NPAS3: variants seen among roughly 807,000 people sequenced by gnomAD.
NPAS3 encodes neuronal PAS domain protein 3, also known as neuronal PAS domain-containing protein 3.
NPAS3 carries 14 observed loss-of-function variants against 73.1 expected under a neutral mutation model. The observed-to-expected ratio is 0.19, with a 90% CI of 0.13 to 0.30. The LOEUF is 0.30. Among genes scored for constraint, NPAS3 ranks in the 10% least tolerant of loss-of-function variants. The pLI, the probability that NPAS3 is intolerant of heterozygous loss-of-function variation, is 1.00. For synonymous variants in NPAS3, 620 were observed against 541.5 expected (o/e 1.14, Z -2.01); for missense variants, 1,096 against 1,250.0 (o/e 0.88, Z 1.86).
At chr14:33,294,347 AT>A (rs554224413) in intron 3 of NPAS3, among the ~76,000 whole-genome samples, 1 of 152,000 alleles carries the variant, frequency 6.6e-6, no homozygotes, top group Non-Finnish European at 1.5e-5. Context: ...CCAGGGCCTC[AT>A]TTTTTTGACC....
At chr14:33,355,629 C>G (rs116007275) in intron 3 of NPAS3, among the ~76,000 whole-genome samples, 1,859 of 152,240 alleles carry the variant, frequency 0.012, 43 homozygotes, top group African/African-American at 0.042. Flanking sequence ...TTGTATTTCT[C>G]TCTCCCCAGT....
chr14:33,680,961 A>G (rs1595427277), intron 6 of NPAS3: 1 of 267,978 alleles, frequency 3.7e-6, no homozygotes, highest in African/African-American at 2.2e-5. Flanking sequence ...TACTTACGCT[A>G]TGTCCCGAAT....
intron 7 of NPAS3, among the ~76,000 whole-genome samples, chr14:33,754,229 C>A (rs1276919989): frequency 6.6e-6 from 1 of 152,002 alleles, no homozygotes; most frequent in Non-Finnish European, 1.5e-5. Flanking sequence ...CCCTGATATT[C>A]TTTAAAACTG....
chr14:33,800,803 G>T lies in NPAS3; in HGVS notation c.2496G>T (p.Ala832=), dbSNP rs1229994850. 3 of 1,594,084 alleles carry T rather than the reference G, an allele frequency of 1.9e-6. No homozygotes were observed. In the South Asian group the frequency reaches 3.4e-5, roughly 18 times the overall value. Residue 832 remains alanine, a synonymous_variant, in exon 12 of 12, where the codon GCG becomes GCT. Transcript: ENST00000356141. This position sits in a 1 kb window ranked among gnomAD's most constrained non-coding sequence, Gnocchi z 6.5. Reference sequence around the variant, plus strand: ...ACACCACGGGCACCATCCGCTACGCGCCCGCCGAGGTGACCCTGGCCATGC... The same window carrying T: ...ACACCACGGGCACCATCCGCTACGCTCCCGCCGAGGTGACCCTGGCCATGC...
At chr14:33,131,472 C>T (rs149434705) in intron 2 of NPAS3, among the ~76,000 whole-genome samples, 396 of 75,396 alleles carry the variant, frequency 5.3e-3, no homozygotes, top group Middle Eastern at 0.021. Flanking sequence ...ATTAACAAAA[C>T]GCCCAGCTGA....
At chr14:33,027,419 A>G (rs2039846411) in intron 1 of NPAS3, among the ~76,000 whole-genome samples, 2 of 152,084 alleles carry the variant, frequency 1.3e-5, no homozygotes, top group East Asian at 1.9e-4. Context: ...CTCTCTCAAT[A>G]TATATTGGTA....
At chr14:33,332,171 C>T (rs888947979) in intron 3 of NPAS3, among the ~76,000 whole-genome samples, 5 of 152,148 alleles carry the variant, frequency 3.3e-5, no homozygotes, top group African/African-American at 7.2e-5. Flanking sequence ...AAAATTATTA[C>T]GGTAGTAAAA....
At chr14:33,372,322 G>A (rs981776537) in intron 4 of NPAS3, among the ~76,000 whole-genome samples, 6 of 152,278 alleles carry the variant, frequency 3.9e-5, no homozygotes, top group African/African-American at 1.2e-4. Flanking sequence ...TTCTCTGAAT[G>A]TATATGTAAT....
chr14:33,796,120 A>G (rs1408504547), intron 10 of NPAS3, among the ~76,000 whole-genome samples: 1 of 152,076 alleles, frequency 6.6e-6, no homozygotes, highest in Non-Finnish European at 1.5e-5. Flanking sequence ...CCCTGGCAAT[A>G]TAGCAACTAC....
intron 3 of NPAS3, among the ~76,000 whole-genome samples, chr14:33,249,937 C>G (rs1290099998): frequency 6.6e-6 from 1 of 150,734 alleles, no homozygotes; most frequent in Non-Finnish European, 1.5e-5. Flanking sequence ...CACACACACA[C>G]CCCTACATAC....
chr14:33,274,062 C>CA (rs1305159201), intron 3 of NPAS3, among the ~76,000 whole-genome samples: 1 of 152,148 alleles, frequency 6.6e-6, no homozygotes, highest in South Asian at 2.1e-4. Context: ...AGAGACACTA[C>CA]ACTGTGGCAT....
chr14:33,528,522 G>A (rs1231845118), intron 4 of NPAS3, among the ~76,000 whole-genome samples: 1 of 152,032 alleles, frequency 6.6e-6, no homozygotes, highest in African/African-American at 2.4e-5. Context: ...TAATGTGTCT[G>A]CAGATTTGGA....
At chr14:33,632,565 T>C (rs1160014316) in intron 5 of NPAS3, among the ~76,000 whole-genome samples, 1 of 152,208 alleles carries the variant, frequency 6.6e-6, no homozygotes, top group African/African-American at 2.4e-5. Flanking sequence ...GAGCTGGAGC[T>C]GGGTTCCACT....
At chr14:33,698,864 G>A (rs936385265) in intron 6 of NPAS3, among the ~76,000 whole-genome samples, 23 of 152,186 alleles carry the variant, frequency 1.5e-4, no homozygotes, top group African/African-American at 5.5e-4. Flanking sequence ...AAAATATCAT[G>A]CTGCCATTTA....
chr14:33,394,099 C>G (rs914055597), intron 4 of NPAS3, among the ~76,000 whole-genome samples: 1 of 152,090 alleles, frequency 6.6e-6, no homozygotes, highest in Non-Finnish European at 1.5e-5. Flanking sequence ...AATGTGATGC[C>G]CTGATGGATG....
At chr14:33,050,402 A>G (rs181874813) in intron 1 of NPAS3, among the ~76,000 whole-genome samples, 80 of 152,266 alleles carry the variant, frequency 5.3e-4, no homozygotes, top group African/African-American at 1.7e-3. Context: ...AGTCTTCCCT[A>G]GGTCTTCTCT....
At chr14:33,376,696 C>T (rs2046327579) in intron 4 of NPAS3, among the ~76,000 whole-genome samples, 1 of 152,158 alleles carries the variant, frequency 6.6e-6, no homozygotes, top group Admixed American at 6.5e-5. Flanking sequence ...TGGATTTGGG[C>T]ATCCAGCCAA....
At chr14:33,281,490 G>A (rs1320652434) in intron 3 of NPAS3, among the ~76,000 whole-genome samples, 4 of 152,024 alleles carry the variant, frequency 2.6e-5, no homozygotes, top group Non-Finnish European at 5.9e-5. Flanking sequence ...AAATTAGCCG[G>A]GCGTGGTGGT....
chr14:33,427,106 T>C (rs1040705308), intron 4 of NPAS3, among the ~76,000 whole-genome samples: 3 of 152,048 alleles, frequency 2.0e-5, no homozygotes, highest in African/African-American at 7.2e-5. Context: ...TGTGCTCTTA[T>C]CCTAGCAGAG....
Sources: gnomAD v4.1 joint callset for allele counts (sites outside exome capture counted in the v4.1 genomes callset) on GRCh38, gnomAD v4.1.1 for gene constraint, Gnocchi (gnomAD v3.1) non-coding constraint, MANE v1.5 for transcripts, NCBI Gene and HGNC (gene_info 2026-07-23, HGNC 2026-07-21) for gene names.